FAM117B: variants seen among roughly 807,000 people sequenced by gnomAD.
The protein encoded by FAM117B is family with sequence similarity 117 member B, also known as protein FAM117B.
FAM117B carries 22 observed loss-of-function variants against 52.8 expected under a neutral mutation model. The ratio of observed to expected loss-of-function variants is 0.42; its 90% CI spans 0.30 to 0.59. The LOEUF is 0.59. Ranked by LOEUF, FAM117B falls within the 20% of genes least tolerant of loss-of-function variation. The probability of loss-of-function intolerance (pLI) is 0.22; values close to 1 mark genes in which losing one functional copy is unlikely to be tolerated. For missense variants in FAM117B, 678 were observed against 802.6 expected, an observed-to-expected ratio of 0.84 and a Z score of 1.88; for synonymous variants, 309 against 324.1, an observed-to-expected ratio of 0.95 and a Z score of 0.50.
At chr2:202,734,413 T>A (rs1691407581) in intron 4 of FAM117B, among the ~76,000 whole-genome samples, 1 of 152,212 alleles carries the variant, frequency 6.6e-6, no homozygotes. Context: ...GTGAATTGTA[T>A]GGTATTATAC....
chr2:202,667,523 A>G (rs1434642037), intron 1 of FAM117B, among the ~76,000 whole-genome samples: 3 of 152,052 alleles, frequency 2.0e-5, no homozygotes, highest in Non-Finnish European at 4.4e-5. Context: ...CTTTTTCCAT[A>G]GAAATAATAT....
At chr2:202,648,011 TACC>T (rs1689895562) in intron 1 of FAM117B, among the ~76,000 whole-genome samples, 1 of 152,178 alleles carries the variant, frequency 6.6e-6, no homozygotes, top group South Asian at 2.1e-4. Flanking sequence ...TTAATTTACC[TACC>T]AGAATGTGTC....
Position 202,646,211 on chromosome 2 carries a change from A to G in FAM117B, c.601+10423A>G, listed in dbSNP as rs547179724. Among the ~76,000 whole-genome samples, 7 of 151,908 alleles carry G rather than the reference A, an allele frequency of 4.6e-5. No individual in the cohort carries two copies. In the East Asian group the frequency reaches 1.4e-3, roughly 29 times the overall value. The stretch of plus-strand genomic sequence containing the variant: ...CTGGCTAATTTTGGTGGGTTTCACC[A>G]TGTTGGCCAGGCTGGTCTTGAACTC... On this transcript the variant is annotated intron_variant, in intron 1 of 7. Coordinates refer to ENST00000392238, the MANE Select transcript of FAM117B (RefSeq NM_173511.4).
chr2:202,635,690 C>A lies in FAM117B; in HGVS notation c.503C>A (p.Ala168Asp). 1 of 1,417,498 alleles carries A rather than the reference C, an allele frequency of 7.1e-7. No individual in the cohort carries two copies. The highest frequency in any genetic ancestry group is 9.2e-7 in the Non-Finnish European group (1 of 1,086,498). 87.8% of individuals were successfully genotyped at this position (1,417,498 alleles called of 1,614,324 possible). Residue 168 changes from alanine to aspartate, a missense_variant, in exon 1 of 8, where the codon GCC (alanine) becomes GAC (aspartate). Coordinates refer to ENST00000392238, the MANE Select transcript of FAM117B (RefSeq NM_173511.4). ...THLWTGEVSAAPPPARVRHRR... is the reference protein window; with the variant it reads ...THLWTGEVSADPPPARVRHRR... ...CTGTGGACCGGCGAGGTGAGCGCGG[C>A]CCCACCCCCAGCCCGCGTCCGGCAT...
chr2:202,750,130 T>A (rs921813276), intron 4 of FAM117B, among the ~76,000 whole-genome samples: 6 of 152,202 alleles, frequency 3.9e-5, no homozygotes, highest in African/African-American at 1.4e-4. Flanking sequence ...TGTGTGCTTA[T>A]ATGAGCTCTT....
intron 1 of FAM117B, among the ~76,000 whole-genome samples, chr2:202,675,053 G>A (rs1306494887): frequency 1.3e-5 from 2 of 151,840 alleles, no homozygotes; most frequent in Non-Finnish European, 2.9e-5. Context: ...TGGCCACATA[G>A]TGAGACCCCA....
intron 1 of FAM117B, among the ~76,000 whole-genome samples, chr2:202,638,082 G>A (rs182040397): frequency 2.6e-5 from 4 of 152,144 alleles, no homozygotes; most frequent in East Asian, 3.9e-4. Flanking sequence ...CTCCACATTC[G>A]TCAGGCTGGT....
chr2:202,653,962 A>G (rs1426451824), intron 1 of FAM117B, among the ~76,000 whole-genome samples: 3 of 151,816 alleles, frequency 2.0e-5, no homozygotes, highest in East Asian at 1.9e-4. Context: ...TTTTCTGTGC[A>G]TGTATATAAG....
intron 1 of FAM117B, among the ~76,000 whole-genome samples, chr2:202,678,119 C>T (rs1192775102): frequency 6.6e-6 from 1 of 152,146 alleles, no homozygotes; most frequent in African/African-American, 2.4e-5. Context: ...TGATACAGCT[C>T]TGATGAGTGG....
At chr2:202,663,937 T>C (rs1433156093) in intron 1 of FAM117B, among the ~76,000 whole-genome samples, 1 of 152,220 alleles carries the variant, frequency 6.6e-6, no homozygotes, top group Non-Finnish European at 1.5e-5. Flanking sequence ...ACCAAACCTT[T>C]CATTTTTGTT....
chr2:202,669,995 C>T (rs1188259361), intron 1 of FAM117B, among the ~76,000 whole-genome samples: 3 of 152,174 alleles, frequency 2.0e-5, no homozygotes, highest in South Asian at 4.1e-4. Context: ...TCATTTGGGT[C>T]TGTTTGTTAG....
rs78087727 is a variant in FAM117B at position 202,639,378 on chromosome 2, C to T, written c.601+3590C>T. On this transcript the variant is annotated intron_variant, in intron 1 of 7. Transcript: ENST00000392238. Reference sequence around the variant, plus strand: ...ACTACTATAAAGTAATCCAAGCACCCATCCCTGACAGATATTTTAAACTTC... The same window carrying T: ...ACTACTATAAAGTAATCCAAGCACCTATCCCTGACAGATATTTTAAACTTC... 8.6e-3 allele frequency among the ~76,000 whole-genome samples: 1,307 copies of T among 152,300 alleles called. 25 individuals carry two copies. The highest frequency in any genetic ancestry group is 0.03 in the African/African-American group (1,235 of 41,564).
At chr2:202,636,585 A>G (rs1049551452) in intron 1 of FAM117B, among the ~76,000 whole-genome samples, 2 of 152,248 alleles carry the variant, frequency 1.3e-5, no homozygotes, top group African/African-American at 4.8e-5. Context: ...CAATGGAGTC[A>G]TTCATAAAGA....
At chr2:202,635,957 TCCCGGGCCTACCCTACGCCCCGC>T (rs1348720763) in intron 1 of FAM117B, among the ~76,000 whole-genome samples, 169 bp downstream of exon 1, 1 of 151,594 alleles carries the variant, frequency 6.6e-6, no homozygotes, top group African/African-American at 2.4e-5. Flanking sequence ...GCCCCGCCTT[TCCCGGGCCTACCCTACGCCCCGC>T]CCGCCCGCCC....
chr2:202,646,959 A>G (rs1689877501), intron 1 of FAM117B, among the ~76,000 whole-genome samples: 1 of 152,164 alleles, frequency 6.6e-6, no homozygotes, highest in Non-Finnish European at 1.5e-5. Flanking sequence ...TTAAGACTAA[A>G]CATGTTATTT....
intron 1 of FAM117B, among the ~76,000 whole-genome samples, chr2:202,659,608 T>A (rs1690100131): frequency 1.4e-5 from 1 of 70,388 alleles, no homozygotes; most frequent in Non-Finnish European, 3.2e-5. Flanking sequence ...ACCGTGCTTT[T>A]TTTTTTTTTT....
At chr2:202,649,471 T>C (rs554222289) in intron 1 of FAM117B, among the ~76,000 whole-genome samples, 2 of 152,362 alleles carry the variant, frequency 1.3e-5, no homozygotes, top group African/African-American at 4.8e-5. Flanking sequence ...CTTTGTGATA[T>C]AATTGTCAAA....
chr2:202,759,336 A>G lies in FAM117B; in HGVS notation c.1434A>G (p.Lys478=), dbSNP rs143944726. ...REPPEGCERV[K]VFEECSPKQL... is the part of the protein sequence containing the mutation. ...CTCCTGAGGGCTGTGAAAGGGTCAA[A>G]GTCTTTGAGGAATGCTCGTAAGTAT... is the stretch of plus-strand genomic sequence containing the variant. Residue 478 remains lysine, a synonymous_variant, in exon 7 of 8, where the codon AAA becomes AAG. Coordinates refer to ENST00000392238, the MANE Select transcript of FAM117B (RefSeq NM_173511.4). The G allele has an allele frequency of 6.6e-5, 106 of 1,613,632 alleles. No homozygotes were observed. Among genetic ancestry groups the G allele is most frequent in the Non-Finnish European group, 8.5e-5 (100 of 1,179,888 alleles).
chr2:202,713,337 T>C (rs1319218813), intron 2 of FAM117B, among the ~76,000 whole-genome samples: 2 of 152,242 alleles, frequency 1.3e-5, no homozygotes, highest in Non-Finnish European at 2.9e-5. Flanking sequence ...TAGTAGCCAA[T>C]AATGATCCTT....
Sources: allele counts gnomAD v4.1 joint callset (sites outside exome capture counted in the v4.1 genomes callset), GRCh38; gene constraint gnomAD v4.1.1; transcripts MANE v1.5; gene names NCBI Gene and HGNC (gene_info 2026-07-23, HGNC 2026-07-21).